Variants in ZNF804B observed in about 807,000 individuals in gnomAD.
ZNF804B encodes zinc finger 804B.
ZNF804B carries 80 observed loss-of-function variants against 101.4 expected under a neutral mutation model. The ratio of observed to expected loss-of-function variants is 0.79; its 90% CI spans 0.66 to 0.95. The LOEUF (loss-of-function observed/expected upper bound fraction) is 0.95, where lower values mean the gene tolerates loss of function less well. Ranked by LOEUF, ZNF804B falls within the 40% of genes least tolerant of loss-of-function variation. ZNF804B has a pLI of 0.00. For missense variants in ZNF804B, 1,673 were observed against 1,561.9 expected (o/e 1.07, Z -1.20); for synonymous variants, 622 against 558.8 (o/e 1.11, Z -1.59).
chr7:89,143,164 T>G (rs1468981611), intron 1 of ZNF804B, among the ~76,000 whole-genome samples: 1 of 151,676 alleles, frequency 6.6e-6, no homozygotes, highest in Non-Finnish European at 1.5e-5. Context: ...AAAAGCCAAG[T>G]TGGAGGGTGG....
chr7:89,132,162 GCACACATACACA>G lies in ZNF804B; in HGVS notation c.109-85986_109-85975del, dbSNP rs1212657421. Among the ~76,000 whole-genome samples the G allele has an allele frequency of 3.6e-3, 317 of 87,688 alleles. 1 individual carries two copies. The highest frequency in any genetic ancestry group is 0.01 in the African/African-American group (294 of 28,020). 57.5% of individuals were successfully genotyped at this position (87,688 alleles called of 152,430 possible). A position where few individuals can be genotyped will look rare whatever the true frequency, so the allele number is the denominator to read the frequency against. ...GAAAATAACAGGAATGAGAACACAC[GCACACATACACA>G]CACACACACACACACACACACACAC... On this transcript the variant is annotated intron_variant, in intron 1 of 3. Coordinates refer to ENST00000333190, the MANE Select transcript of ZNF804B (RefSeq NM_181646.5).
intron 1 of ZNF804B, chr7:88,794,609 A>G (rs753478549): frequency 6.2e-7 from 1 of 1,613,604 alleles, no homozygotes; most frequent in Non-Finnish European, 8.5e-7. Context: ...ATATAATCTA[A>G]AAGAACTTTG....
intron 2 of ZNF804B, among the ~76,000 whole-genome samples, chr7:89,226,401 T>C (rs1789089380): frequency 6.6e-6 from 1 of 152,098 alleles, no homozygotes; most frequent in Non-Finnish European, 1.5e-5. Context: ...TGGAATAATA[T>C]GCTAGAATTA....
At chr7:89,189,305 A>G (rs770239301) in intron 1 of ZNF804B, among the ~76,000 whole-genome samples, 6 of 152,164 alleles carry the variant, frequency 3.9e-5, no homozygotes, top group Non-Finnish European at 8.8e-5. Flanking sequence ...GCCCATTGAC[A>G]ATGTACCTAT....
intron 1 of ZNF804B, among the ~76,000 whole-genome samples, chr7:89,151,764 T>G (rs2116406169): frequency 6.6e-6 from 1 of 152,094 alleles, no homozygotes; most frequent in Admixed American, 6.6e-5. Flanking sequence ...TTAAAGAACC[T>G]TTTGTTAGGC....
intron 2 of ZNF804B, among the ~76,000 whole-genome samples, chr7:89,224,283 C>T (rs1789047971): frequency 6.6e-6 from 1 of 151,992 alleles, no homozygotes; most frequent in Non-Finnish European, 1.5e-5. Context: ...TATTTTTACC[C>T]AGAAGGAGCT....
At chr7:89,047,187 C>T (rs1029081488) in intron 1 of ZNF804B, among the ~76,000 whole-genome samples, 1 of 152,094 alleles carries the variant, frequency 6.6e-6, no homozygotes, top group Non-Finnish European at 1.5e-5. Context: ...CAGCAAACAT[C>T]GTCATTGTAG....
chr7:88,854,128 A>G (rs1791492346), intron 1 of ZNF804B, among the ~76,000 whole-genome samples: 3 of 152,164 alleles, frequency 2.0e-5, no homozygotes. Context: ...CAACATAATA[A>G]TAATAGCTAA....
intron 1 of ZNF804B, among the ~76,000 whole-genome samples, chr7:89,069,525 T>C (rs1019510304): frequency 2.6e-5 from 4 of 152,198 alleles, no homozygotes; most frequent in Non-Finnish European, 5.9e-5. Context: ...TATTTCAATT[T>C]TGTAATTATA....
At chr7:88,768,616 G>T (rs367915638) in intron 1 of ZNF804B, among the ~76,000 whole-genome samples, 1 of 152,188 alleles carries the variant, frequency 6.6e-6, no homozygotes, top group Admixed American at 6.6e-5. Flanking sequence ...TACTCAGGAG[G>T]CTGAGGCCGG....
At chr7:89,291,102 C>G (rs979180731) in intron 2 of ZNF804B, among the ~76,000 whole-genome samples, 5 of 152,138 alleles carry the variant, frequency 3.3e-5, no homozygotes, top group Admixed American at 2.0e-4. Context: ...AATACAGATA[C>G]AGCTTAGATC....
intron 2 of ZNF804B, among the ~76,000 whole-genome samples, chr7:89,224,043 AGCT>A (rs1009411222): frequency 6.6e-6 from 1 of 152,154 alleles, no homozygotes; most frequent in Admixed American, 6.5e-5. Context: ...CAAGATTGTT[AGCT>A]GCAAATGTAT....
chr7:89,021,168 G>A (rs962105957), intron 1 of ZNF804B, among the ~76,000 whole-genome samples: 13 of 152,094 alleles, frequency 8.5e-5, no homozygotes, highest in Non-Finnish European at 1.9e-4. Context: ...TGAGGTGCAC[G>A]GGCTTTGATT....
chr7:88,795,030 T>A, intron 1 of ZNF804B: 1 of 1,101,722 alleles, frequency 9.1e-7, no homozygotes, highest in Non-Finnish European at 1.2e-6. Context: ...ACTGATGAAC[T>A]CGTGTTTTTA....
chr7:89,100,597 G>A (rs530524847), intron 1 of ZNF804B, among the ~76,000 whole-genome samples: 1 of 152,008 alleles, frequency 6.6e-6, no homozygotes, highest in African/African-American at 2.4e-5. Flanking sequence ...AATATATAAG[G>A]TGTTCAAACT....
At chr7:88,918,772 G>C (rs976235537) in intron 1 of ZNF804B, among the ~76,000 whole-genome samples, 2 of 152,048 alleles carry the variant, frequency 1.3e-5, no homozygotes, top group African/African-American at 2.4e-5. Flanking sequence ...GGATTGGGGG[G>C]TGAGGGGGAC....
rs910501924 is a variant in ZNF804B, at chr7:88,917,264, C to CA, written c.108+157189dup. Among the ~76,000 whole-genome samples the CA allele has an allele frequency of 2.9e-4, 44 of 149,256 alleles. 2 individuals carry two copies. The highest frequency in any genetic ancestry group is 1.4e-3 in the East Asian group (7 of 5,128). ...TGGGGGACAGGATAAGACTCTGTCT[C>CA]AAAAAAAAACTAAAAATAAAAATAA... On this transcript the variant is annotated intron_variant, in intron 1 of 3. Transcript: ENST00000333190.
chr7:88,917,457 C>T (rs542551527), intron 1 of ZNF804B, among the ~76,000 whole-genome samples: 1 of 151,926 alleles, frequency 6.6e-6, no homozygotes, highest in Non-Finnish European at 1.5e-5. Flanking sequence ...CTGTCATGAA[C>T]CTTCTATAGT....
At chr7:89,264,348 C>G (rs1168621335) in intron 2 of ZNF804B, among the ~76,000 whole-genome samples, 1 of 152,224 alleles carries the variant, frequency 6.6e-6, no homozygotes, top group African/African-American at 2.4e-5. Flanking sequence ...GCAGCCAGCA[C>G]ACACCGTCCT....
Sources: allele counts gnomAD v4.1 joint callset (sites outside exome capture counted in the v4.1 genomes callset), GRCh38; gene constraint gnomAD v4.1.1; transcripts MANE v1.5; gene names NCBI Gene and HGNC (gene_info 2026-07-23, HGNC 2026-07-21).